The following DDI2 variants were observed in gnomAD, a reference collection of about 807,000 sequenced individuals.
DDI2 encodes DDI proteasomal shuttling factor 2, also known as protein DDI1 homolog 2.
A neutral mutation model predicts 48.1 loss-of-function variants in DDI2; 5 were observed. That is an observed-to-expected ratio of 0.10 (90% CI 0.05 to 0.22). The LOEUF is 0.22. DDI2 is among the 10% of genes least tolerant of loss of function. The probability of loss-of-function intolerance (pLI) is 1.00; values close to 1 mark genes in which losing one functional copy is unlikely to be tolerated. For synonymous variants in DDI2, 205 were observed against 183.6 expected (o/e 1.12, Z -0.94); for missense variants, 285 against 506.2 (o/e 0.56, Z 4.19).
chr1:15,667,272 G>A lies in DDI2; in HGVS notation c.*7482G>A, dbSNP rs1469894031. The A allele has an allele frequency of 6.6e-6, 1 of 151,928 alleles. No individual in the cohort carries two copies. The highest frequency in any genetic ancestry group is 2.4e-5 in the African/African-American group (1 of 41,332). The allele number at this position is 151,928 out of a possible 1,614,324, so 9.4% of individuals were successfully genotyped here. A position where few individuals can be genotyped will look rare whatever the true frequency, so the allele number is the denominator to read the frequency against. Reference sequence around the variant, plus strand: ...AACAAAATATGTAACATGTATAAATGCCTGAGGAGATCAGTTATTGAGAAA... The same window carrying A: ...AACAAAATATGTAACATGTATAAATACCTGAGGAGATCAGTTATTGAGAAA... On this transcript the variant is annotated 3_prime_UTR_variant, in exon 10 of 10. Coordinates refer to ENST00000480945, the MANE Select transcript of DDI2 (RefSeq NM_032341.5).
intron 5 of DDI2, among the ~76,000 whole-genome samples, chr1:15,641,146 T>C (rs537862332): frequency 1.3e-5 from 2 of 152,302 alleles, no homozygotes; most frequent in Non-Finnish European, 2.9e-5. Context: ...CATTGAGGAC[T>C]TTTAAGCAGA....
intron 3 of DDI2, among the ~76,000 whole-genome samples, chr1:15,632,081 G>A (rs1187183530): frequency 6.6e-6 from 1 of 152,044 alleles, no homozygotes; most frequent in Non-Finnish European, 1.5e-5. Flanking sequence ...TGAGATTACA[G>A]GCGTGAGCCA....
At chr1:15,655,396 A>G (rs1035492452) in intron 8 of DDI2, among the ~76,000 whole-genome samples, 2 of 151,106 alleles carry the variant, frequency 1.3e-5, no homozygotes, top group Admixed American at 1.3e-4. Flanking sequence ...AGGTGGGGAG[A>G]TCACTTGAAC....
At chr1:15,627,064 T>C in intron 2 of DDI2, 1 of 416,440 alleles carries the variant, frequency 2.4e-6, no homozygotes. Context: ...CAGCAAGCCC[T>C]CAATAAATGT....
intron 2 of DDI2, 68 bp downstream of exon 2, chr1:15,626,866 G>C: frequency 5.6e-6 from 9 of 1,597,972 alleles, no homozygotes; most frequent in Non-Finnish European, 7.7e-6. Flanking sequence ...TAGCACCTCA[G>C]AGTTTTGGAT....
intron 9 of DDI2, 55 bp from the exon 10 acceptor site, chr1:15,659,782 G>A: frequency 1.4e-6 from 2 of 1,464,204 alleles, no homozygotes; most frequent in Non-Finnish European, 1.8e-6. Flanking sequence ...TGGTAATTTA[G>A]TGGCATTAGT....
chr1:15,644,128 A>G (rs183276926), intron 6 of DDI2, among the ~76,000 whole-genome samples: 10 of 152,214 alleles, frequency 6.6e-5, no homozygotes, highest in Non-Finnish European at 1.2e-4. Context: ...ACATTTCCTA[A>G]TTATGTAAAT....
intron 1 of DDI2, among the ~76,000 whole-genome samples, chr1:15,623,927 G>A (rs956837371): frequency 2.5e-4 from 38 of 152,194 alleles, no homozygotes; most frequent in African/African-American, 7.9e-4. Context: ...AGCCGCTTGT[G>A]GGGGCAGGTG....
intron 9 of DDI2, 120 bp from the exon 10 acceptor site, chr1:15,659,717 G>A: frequency 9.8e-7 from 1 of 1,025,454 alleles, no homozygotes; most frequent in Non-Finnish European, 1.3e-6. Context: ...TTGTGTAAGA[G>A]AAACCCGAGT....
At chr1:15,636,600 T>C (rs1418192940) in intron 4 of DDI2, among the ~76,000 whole-genome samples, 1 of 152,154 alleles carries the variant, frequency 6.6e-6, no homozygotes, top group Admixed American at 6.5e-5. Context: ...GTCTCCTGAA[T>C]AGCTGAGACT....
chr1:15,643,275 T>C (rs1640038289), intron 5 of DDI2, among the ~76,000 whole-genome samples: 1 of 152,200 alleles, frequency 6.6e-6, no homozygotes. Flanking sequence ...AAAATGTCAT[T>C]TAATTATTGC....
chr1:15,661,144 A>T lies in DDI2; in HGVS notation c.*1354A>T. On this transcript the variant is annotated 3_prime_UTR_variant, in exon 10 of 10. Coordinates refer to ENST00000480945, the MANE Select transcript of DDI2 (RefSeq NM_032341.5). Reference sequence around the variant, plus strand: ...TCAGGCCATATCTGTATCAGTGGAGACAGAAAAATTAACAGGTACTTCATC... The same window carrying T: ...TCAGGCCATATCTGTATCAGTGGAGTCAGAAAAATTAACAGGTACTTCATC... 6.2e-7 allele frequency: 1 copy of T among 1,614,080 alleles called. No individual in the cohort carries two copies. The highest frequency in any genetic ancestry group is 8.5e-7 in the Non-Finnish European group (1 of 1,179,992).
chr1:15,661,877 G>A lies in DDI2; in HGVS notation c.*2087G>A, dbSNP rs945402114. 1.1e-5 allele frequency: 12 copies of A among 1,092,020 alleles called. No individual in the cohort carries two copies. In the Admixed American group the frequency reaches 1.8e-4, roughly 17 times the overall value. 67.6% of individuals were successfully genotyped at this position (1,092,020 alleles called of 1,614,324 possible). ...CAGATTTTTTTTAAAGATTTTTTTC[G>A]GCCAAAGTAATTTATGATCTTTTGT... is the stretch of plus-strand genomic sequence containing the variant. On this transcript the variant is annotated 3_prime_UTR_variant, in exon 10 of 10. Coordinates refer to ENST00000480945, the MANE Select transcript of DDI2 (RefSeq NM_032341.5).
intron 1 of DDI2, among the ~76,000 whole-genome samples, chr1:15,619,014 G>T (rs1470164572): frequency 6.6e-6 from 1 of 152,180 alleles, no homozygotes; most frequent in Non-Finnish European, 1.5e-5. Flanking sequence ...AATTTAAAAA[G>T]TTAATCCACA....
chr1:15,627,756 T>C (rs1484477364), intron 2 of DDI2, among the ~76,000 whole-genome samples: 1 of 152,320 alleles, frequency 6.6e-6, no homozygotes, highest in East Asian at 1.9e-4. Flanking sequence ...GTGTTTAGCC[T>C]GTAGGTCACC....
At chr1:15,659,331 A>G (rs1007206393) in intron 9 of DDI2, among the ~76,000 whole-genome samples, 3 of 152,222 alleles carry the variant, frequency 2.0e-5, no homozygotes, top group Non-Finnish European at 4.4e-5. Flanking sequence ...TTCTGGTGCA[A>G]AGATTCTCAG....
At position 15,665,708 on chromosome 1, in the gene DDI2, T is replaced by TC. The variant is rs1640442676; in HGVS notation, c.*5921dup. The TC allele has an allele frequency of 6.6e-6, 1 of 152,110 alleles. No individual in the cohort carries two copies. The highest frequency in any genetic ancestry group is 6.6e-5 in the Admixed American group (1 of 15,240). 9.4% of individuals were successfully genotyped at this position (152,110 alleles called of 1,614,324 possible). A position where few individuals can be genotyped will look rare whatever the true frequency, so the allele number is the denominator to read the frequency against. The stretch of plus-strand genomic sequence containing the variant: ...TACTCTTCACTTATGGTGGCTTTTA[T>TC]CCCGCCACATATATAAATATATATA... On this transcript the variant is annotated 3_prime_UTR_variant, in exon 10 of 10. Transcript: ENST00000480945.
rs1640356396 is a variant in DDI2, at chr1:15,660,691, A to G, written c.*901A>G. On this transcript the variant is annotated 3_prime_UTR_variant, in exon 10 of 10. Coordinates refer to ENST00000480945, the MANE Select transcript of DDI2 (RefSeq NM_032341.5). Reference sequence around the variant, plus strand: ...CAGGCAGAATGCCAATGTCAAGAACATTGGTGCATTGGATCTCACTTTAGA... The same window carrying G: ...CAGGCAGAATGCCAATGTCAAGAACGTTGGTGCATTGGATCTCACTTTAGA... 2 of 1,614,056 alleles carry G rather than the reference A, an allele frequency of 1.2e-6. No homozygotes were observed. The highest frequency in any genetic ancestry group is 1.7e-5 in the Admixed American group (1 of 60,002).
chr1:15,649,946 T>C, intron 7 of DDI2, 123 bp downstream of exon 7: 1 of 905,650 alleles, frequency 1.1e-6, no homozygotes, highest in African/African-American at 1.7e-5. Flanking sequence ...AACCTGGAAA[T>C]GTCCTTAAAT....
Sources: gnomAD v4.1 joint callset for allele counts (sites outside exome capture counted in the v4.1 genomes callset) on GRCh38, gnomAD v4.1.1 for gene constraint, MANE v1.5 for transcripts, NCBI Gene and HGNC (gene_info 2026-07-23, HGNC 2026-07-21) for gene names.